CLSTN2: variants seen among roughly 807,000 people sequenced by gnomAD.
CLSTN2 encodes the protein calsyntenin-2.
Under a neutral mutation model 101.2 loss-of-function variants are expected in CLSTN2, and 48 were observed. That is an observed-to-expected ratio of 0.47 (90% CI 0.38 to 0.60). The LOEUF (loss-of-function observed/expected upper bound fraction) is 0.60, where lower values mean the gene tolerates loss of function less well. CLSTN2 is among the 20% of genes least tolerant of loss of function. The pLI is 0.00. For missense variants in CLSTN2, 1,160 were observed against 1,238.2 expected (o/e 0.94, Z 0.95); for synonymous variants, 481 against 463.6 (o/e 1.04, Z -0.48).
intron 6 of CLSTN2, chr3:140,452,631 C>G (rs1427962802): frequency 6.6e-6 from 1 of 152,256 alleles, no homozygotes; most frequent in African/African-American, 2.4e-5. Context: ...GGGAGCTGGA[C>G]AGTAGCTGGT....
intron 1 of CLSTN2, among the ~76,000 whole-genome samples, chr3:140,122,352 G>C (rs545954747): frequency 1.3e-5 from 2 of 152,308 alleles, no homozygotes; most frequent in African/African-American, 4.8e-5. Context: ...CTGGCAAAAT[G>C]CCGTGGATAG....
chr3:140,099,043 T>C (rs1560094236), intron 1 of CLSTN2, among the ~76,000 whole-genome samples: 1 of 152,156 alleles, frequency 6.6e-6, no homozygotes, highest in Non-Finnish European at 1.5e-5. Context: ...GATGCCACAG[T>C]CCAGAGAAGG....
chr3:140,047,366 C>T (rs1264603421), intron 1 of CLSTN2, among the ~76,000 whole-genome samples: 1 of 152,106 alleles, frequency 6.6e-6, no homozygotes, highest in Non-Finnish European at 1.5e-5. Context: ...TTACAACTTT[C>T]TTTTTCATTC....
chr3:139,935,529 C>CCCT lies in CLSTN2; in HGVS notation c.109+46_109+47insCCT. On this transcript the variant is annotated intron_variant, in intron 1 of 16. Transcript: ENST00000458420. This position sits in a 1 kb window ranked among gnomAD's most constrained non-coding sequence, Gnocchi z 5.5. ...CTCTTCTCCCAGGAGGGAGGCAGGGCAGGCTTGAGGGTGAAAGCGGCAAGG... is the reference window on the plus strand; with the variant it reads ...CTCTTCTCCCAGGAGGGAGGCAGGGCCCTAGGCTTGAGGGTGAAAGCGGCAAGG... 1 of 1,029,088 alleles carries CCCT rather than the reference C, an allele frequency of 9.7e-7. No homozygotes were observed. Among genetic ancestry groups the CCCT allele is most frequent in the African/African-American group, 1.7e-5 (1 of 60,554 alleles). 63.7% of individuals were successfully genotyped at this position (1,029,088 alleles called of 1,614,324 possible).
chr3:140,035,933 C>T (rs72981861), intron 1 of CLSTN2, among the ~76,000 whole-genome samples: 10,723 of 152,266 alleles, frequency 0.07, 438 homozygotes, highest in East Asian at 0.16. Flanking sequence ...CTCACCTTCC[C>T]AGTTGCTCGG....
intron 6 of CLSTN2, among the ~76,000 whole-genome samples, chr3:140,452,245 T>C (rs1319772364): frequency 1.3e-5 from 2 of 152,058 alleles, no homozygotes; most frequent in Non-Finnish European, 2.9e-5. Context: ...GATCCATTAC[T>C]ACAGCACATT....
At chr3:139,986,218 G>A (rs1048448482) in intron 1 of CLSTN2, among the ~76,000 whole-genome samples, 2 of 152,174 alleles carry the variant, frequency 1.3e-5, no homozygotes, top group African/African-American at 4.8e-5. Flanking sequence ...AAGTTTCAGA[G>A]TGTATTGGAT....
intron 5 of CLSTN2, among the ~76,000 whole-genome samples, chr3:140,439,044 G>T (rs1240311595): frequency 6.6e-6 from 1 of 152,240 alleles, no homozygotes; most frequent in Non-Finnish European, 1.5e-5. Flanking sequence ...AGGCTCTAAA[G>T]AGGTGGTGCC....
intron 9 of CLSTN2, 37 bp downstream of exon 9, chr3:140,532,523 G>T (rs1277744927): frequency 6.4e-6 from 10 of 1,574,160 alleles, no homozygotes; most frequent in Non-Finnish European, 8.7e-6. Flanking sequence ...TGACCTGTTT[G>T]TGAATAGTTC....
chr3:140,239,927 A>C (rs2086445561), intron 2 of CLSTN2, among the ~76,000 whole-genome samples: 1 of 8,780 alleles, frequency 1.1e-4, no homozygotes, highest in Non-Finnish European at 8.6e-3. Context: ...ATTTATGTAT[A>C]TATATGTGTA....
At chr3:140,548,499 A>C (rs1191688999) in intron 10 of CLSTN2, among the ~76,000 whole-genome samples, 1 of 152,304 alleles carries the variant, frequency 6.6e-6, no homozygotes, top group East Asian at 1.9e-4. Context: ...GCAGTCAGGG[A>C]AGCCTCCTTG....
At chr3:140,422,098 CAT>C (rs1320614988) in intron 5 of CLSTN2, among the ~76,000 whole-genome samples, 1 of 152,146 alleles carries the variant, frequency 6.6e-6, no homozygotes, top group African/African-American at 2.4e-5. Flanking sequence ...ACTCATAACT[CAT>C]AAACTGCTTC....
chr3:140,542,042 T>C (rs1935490936), intron 9 of CLSTN2, among the ~76,000 whole-genome samples: 1 of 152,114 alleles, frequency 6.6e-6, no homozygotes, highest in Non-Finnish European at 1.5e-5. Flanking sequence ...AGCTAAGACT[T>C]CAAAAATACT....
intron 2 of CLSTN2, among the ~76,000 whole-genome samples, chr3:140,357,515 C>A (rs555349368): frequency 1.4e-4 from 22 of 151,730 alleles, no homozygotes; most frequent in African/African-American, 4.1e-4. Context: ...GGGACAGACC[C>A]ACAGAGGCCC....
At chr3:139,961,754 A>G (rs1395994437) in intron 1 of CLSTN2, among the ~76,000 whole-genome samples, 1 of 152,198 alleles carries the variant, frequency 6.6e-6, no homozygotes, top group African/African-American at 2.4e-5. Flanking sequence ...CTTTAATGAA[A>G]TACTTAAAAA....
rs1985674628 is a variant in CLSTN2, at chr3:140,574,636, AG to A, written c.*8384del. 6.6e-6 allele frequency: 1 copy of A among 152,260 alleles called. No homozygotes were observed. The highest frequency in any genetic ancestry group is 2.1e-4 in the South Asian group (1 of 4,830). 9.4% of individuals were successfully genotyped at this position (152,260 alleles called of 1,614,324 possible). On this transcript the variant is annotated 3_prime_UTR_variant, in exon 17 of 17. Transcript: ENST00000458420. ...TAATCACAGACAACAGAAACGTGTT[AG>A]CTTTAATGTCTGTTTGCTTTTATCT...
intron 5 of CLSTN2, among the ~76,000 whole-genome samples, chr3:140,422,793 G>C (rs2088520153): frequency 6.6e-6 from 1 of 152,156 alleles, no homozygotes; most frequent in African/African-American, 2.4e-5. Flanking sequence ...ACAGAATTCT[G>C]TCTTGTTCAC....
At position 140,572,025 on chromosome 3, in the gene CLSTN2, G is replaced by C. The variant is rs535367709; in HGVS notation, c.*5772G>C. On this transcript the variant is annotated 3_prime_UTR_variant, in exon 17 of 17. Transcript: ENST00000458420. Reference sequence around the variant, plus strand: ...CCTGTGCCAGCAACAGGGGAAGGGAGGATGAACAAGGCATGTTTCCCTGAC... The same window carrying C: ...CCTGTGCCAGCAACAGGGGAAGGGACGATGAACAAGGCATGTTTCCCTGAC... The C allele has an allele frequency of 2.6e-5, 4 of 152,448 alleles. No homozygotes were observed. Among genetic ancestry groups the C allele is most frequent in the African/African-American group, 9.6e-5 (4 of 41,576 alleles). 9.4% of individuals were successfully genotyped at this position (152,448 alleles called of 1,614,324 possible). A position where few individuals can be genotyped will look rare whatever the true frequency, so the allele number is the denominator to read the frequency against.
chr3:140,455,692 G>A (rs1357437907), intron 6 of CLSTN2, among the ~76,000 whole-genome samples: 2 of 152,214 alleles, frequency 1.3e-5, no homozygotes, highest in African/African-American at 4.8e-5. Context: ...TGTAGACAGT[G>A]CTGTATCATC....
Sources: allele counts gnomAD v4.1 joint callset (sites outside exome capture counted in the v4.1 genomes callset), GRCh38; gene constraint gnomAD v4.1.1; non-coding constraint Gnocchi (gnomAD v3.1); transcripts MANE v1.5; gene names NCBI Gene and HGNC (gene_info 2026-07-23, HGNC 2026-07-21).